NAV2: variants seen among roughly 807,000 people sequenced by gnomAD.
NAV2 encodes helicase, APC down-regulated 1.
In NAV2, 54 loss-of-function variants were observed where a neutral mutation model predicts 223.2. The observed-to-expected ratio is 0.24, with a 90% CI of 0.19 to 0.30. The LOEUF is 0.30. Ranked by LOEUF, NAV2 falls within the 10% of genes least tolerant of loss-of-function variation. The pLI is 1.00. For synonymous variants in NAV2, 1,279 were observed against 1,239.3 expected, an observed-to-expected ratio of 1.03 and a Z score of -0.67; for missense variants, 2,806 against 3,147.5, an observed-to-expected ratio of 0.89 and a Z score of 2.60.
intron 1 of NAV2, among the ~76,000 whole-genome samples, chr11:19,536,462 G>A (rs1397649318): frequency 6.6e-6 from 1 of 152,174 alleles, no homozygotes; most frequent in Admixed American, 6.5e-5. Context: ...TGAAGTACAT[G>A]TTAAAAATGC....
chr11:19,739,557 T>C (rs2052616358), intron 1 of NAV2, among the ~76,000 whole-genome samples: 1 of 152,196 alleles, frequency 6.6e-6, no homozygotes, highest in African/African-American at 2.4e-5. Flanking sequence ...GCCCTCAGAC[T>C]GAATCAGGTC....
At chr11:19,672,500 A>C (rs1309388607) in intron 1 of NAV2, among the ~76,000 whole-genome samples, 2 of 152,106 alleles carry the variant, frequency 1.3e-5, no homozygotes, top group Non-Finnish European at 2.9e-5. Flanking sequence ...TTTTCCACCC[A>C]TAAAGGGGGT....
chr11:19,360,080 A>G (rs1055894136), intron 1 of NAV2, among the ~76,000 whole-genome samples: 1 of 152,196 alleles, frequency 6.6e-6, no homozygotes, highest in Non-Finnish European at 1.5e-5. Flanking sequence ...GAAACTGACA[A>G]AGACTCTTTC....
intron 1 of NAV2, among the ~76,000 whole-genome samples, chr11:19,824,871 T>A (rs1190133804): frequency 6.6e-6 from 1 of 152,226 alleles, no homozygotes; most frequent in Non-Finnish European, 1.5e-5. Context: ...AACAATTGAA[T>A]AAGCAGTGAC....
chr11:20,025,575 G>A (rs1348232646), intron 11 of NAV2, among the ~76,000 whole-genome samples: 1 of 152,204 alleles, frequency 6.6e-6, no homozygotes, highest in Admixed American at 6.5e-5. Flanking sequence ...AGCTCCTGAA[G>A]CCAAAGGGAA....
At chr11:20,042,384 G>T (rs1004426967) in intron 12 of NAV2, among the ~76,000 whole-genome samples, 13 of 152,148 alleles carry the variant, frequency 8.5e-5, no homozygotes, top group African/African-American at 3.1e-4. Flanking sequence ...CTCCTGCCCT[G>T]TGCCCACATG....
chr11:19,653,372 G>A (rs1034655047), intron 1 of NAV2, among the ~76,000 whole-genome samples: 10 of 152,358 alleles, frequency 6.6e-5, no homozygotes, highest in South Asian at 2.1e-4. Flanking sequence ...CAGAGGGAGA[G>A]TAAGGAGGAC....
At chr11:20,045,788 GC>G in intron 14 of NAV2, 118 bp downstream of exon 14, 1 of 878,198 alleles carries the variant, frequency 1.1e-6, no homozygotes. Flanking sequence ...CTCCAGTAAA[GC>G]TGTTTTGTCA....
chr11:19,360,823 A>T (rs1380958036), intron 1 of NAV2, among the ~76,000 whole-genome samples: 1 of 152,168 alleles, frequency 6.6e-6, no homozygotes, highest in Non-Finnish European at 1.5e-5. Flanking sequence ...TGTCTTTCCC[A>T]CTGAACTGCC....
rs537766419 is a variant in NAV2 at position 19,542,894 on chromosome 11, G to A, written c.75+191867G>A. ...TCACCTGAAACCCTCCCCTTCCTGG[G>A]TACCTCTCCTGCCACCAGGACCACA... is the stretch of plus-strand genomic sequence containing the variant. On this transcript the variant is annotated intron_variant, in intron 1 of 37. Transcript: ENST00000360655. Among the ~76,000 whole-genome samples the A allele has an allele frequency of 5.3e-5, 8 of 152,290 alleles. No homozygotes were observed. In the East Asian group the frequency reaches 7.7e-4, roughly 15 times the overall value.
At chr11:19,895,163 G>A (rs1307481697) in intron 6 of NAV2, among the ~76,000 whole-genome samples, 2 of 123,744 alleles carry the variant, frequency 1.6e-5, no homozygotes, top group Non-Finnish European at 3.2e-5. Flanking sequence ...AGGCTGGAGT[G>A]CAGTGGCACA....
At chr11:19,373,173 G>A (rs1197185127) in intron 1 of NAV2, among the ~76,000 whole-genome samples, 1 of 152,138 alleles carries the variant, frequency 6.6e-6, no homozygotes, top group South Asian at 2.1e-4. Context: ...CTGGGGCTCA[G>A]AACTTAGTCC....
intron 5 of NAV2, among the ~76,000 whole-genome samples, chr11:19,882,023 C>A (rs140084699): frequency 2.0e-5 from 3 of 152,106 alleles, no homozygotes; most frequent in Non-Finnish European, 4.4e-5. Flanking sequence ...ACTCAGGCCC[C>A]GTCATAGAGT....
At chr11:19,526,912 G>A (rs1015633829) in intron 1 of NAV2, among the ~76,000 whole-genome samples, 8 of 152,192 alleles carry the variant, frequency 5.3e-5, no homozygotes, top group Non-Finnish European at 1.2e-4. Context: ...CTTCATCCCA[G>A]CTTTCCTTCT....
chr11:19,414,957 G>C (rs942247539), intron 1 of NAV2, among the ~76,000 whole-genome samples: 1 of 152,142 alleles, frequency 6.6e-6, no homozygotes, highest in Admixed American at 6.6e-5. Context: ...TGTTTAGAGG[G>C]AAATTTATAG....
At chr11:19,829,522 T>G (rs1252129195) in intron 1 of NAV2, among the ~76,000 whole-genome samples, 1 of 152,222 alleles carries the variant, frequency 6.6e-6, no homozygotes, top group Non-Finnish European at 1.5e-5. Flanking sequence ...TAACTTTTAT[T>G]TACTGAACAC....
chr11:19,862,812 C>T (rs886707749), intron 3 of NAV2, among the ~76,000 whole-genome samples: 3 of 152,130 alleles, frequency 2.0e-5, no homozygotes, highest in African/African-American at 7.2e-5. Flanking sequence ...AGGCTGTGAC[C>T]TCTAGGAGTA....
chr11:20,023,560 G>A (rs1476123407), intron 11 of NAV2, among the ~76,000 whole-genome samples: 2 of 152,154 alleles, frequency 1.3e-5, no homozygotes, highest in Non-Finnish European at 2.9e-5. Flanking sequence ...GGGGTGAGCC[G>A]GAAAAAGGCA....
chr11:19,745,681 G>T (rs1024760524), intron 1 of NAV2, among the ~76,000 whole-genome samples: 3 of 152,182 alleles, frequency 2.0e-5, no homozygotes, highest in African/African-American at 7.2e-5. Flanking sequence ...TGAAACTTTT[G>T]CACCTCAGAT....
Sources: allele counts gnomAD v4.1 joint callset (sites outside exome capture counted in the v4.1 genomes callset), GRCh38; gene constraint gnomAD v4.1.1; transcripts MANE v1.5; gene names NCBI Gene and HGNC (gene_info 2026-07-23, HGNC 2026-07-21).